SLC9C2: variants seen among roughly 807,000 people sequenced by gnomAD.
SLC9C2 encodes sodium/hydrogen exchanger 11.
Under a neutral mutation model 140.2 loss-of-function variants are expected in SLC9C2, and 75 were observed. The ratio of observed to expected loss-of-function variants is 0.53; its 90% CI spans 0.44 to 0.65. The LOEUF (loss-of-function observed/expected upper bound fraction) is 0.65. Ranked by LOEUF, SLC9C2 falls within the 30% of genes least tolerant of loss-of-function variation. The pLI, the probability that SLC9C2 is intolerant of heterozygous loss-of-function variation, is 0.00. For missense variants in SLC9C2, 1,074 were observed against 1,331.8 expected, an observed-to-expected ratio of 0.81 and a Z score of 3.01; for synonymous variants, 375 against 420.9, an observed-to-expected ratio of 0.89 and a Z score of 1.34.
intron 4 of SLC9C2, among the ~76,000 whole-genome samples, chr1:173,594,899 G>C (rs554180797): frequency 6.6e-6 from 1 of 151,966 alleles, no homozygotes; most frequent in Non-Finnish European, 1.5e-5. Flanking sequence ...TGGTTGTTTT[G>C]TTTTTTGTTT....
intron 3 of SLC9C2, 79 bp downstream of exon 3, chr1:173,600,038 G>C: frequency 3.5e-6 from 3 of 850,604 alleles, no homozygotes; most frequent in Non-Finnish European, 5.3e-6. Flanking sequence ...AACATTCCAT[G>C]CATTCAGGGA....
At chr1:173,546,069 C>T (rs1420800395) in intron 13 of SLC9C2, among the ~76,000 whole-genome samples, 1 of 152,146 alleles carries the variant, frequency 6.6e-6, no homozygotes, top group Non-Finnish European at 1.5e-5. Context: ...ACAAGAACAG[C>T]CCCAATTCAA....
chr1:173,592,200 C>A (rs760629478), intron 4 of SLC9C2, among the ~76,000 whole-genome samples: 2 of 152,098 alleles, frequency 1.3e-5, no homozygotes, highest in Middle Eastern at 3.4e-3. Context: ...TATTTTTGGG[C>A]TCTGTATTCT....
intron 17 of SLC9C2, among the ~76,000 whole-genome samples, chr1:173,530,421 A>C (rs915577061): frequency 1.7e-4 from 26 of 152,212 alleles, no homozygotes; most frequent in Admixed American, 5.2e-4. Context: ...CAGGTCTCCT[A>C]ACCTGGGTCA....
chr1:173,595,435 A>G (rs1666390884), intron 4 of SLC9C2, among the ~76,000 whole-genome samples: 1 of 152,186 alleles, frequency 6.6e-6, no homozygotes, highest in African/African-American at 2.4e-5. Context: ...AAGCCTATTC[A>G]GCAAACTTTT....
chr1:173,503,256 A>T lies in SLC9C2; in HGVS notation c.3371+10T>A. On this transcript the variant is annotated intron_variant, in intron 27 of 27. Transcript: ENST00000367714. ...AGAAAAAATTCTAATCAAAGTGTCA[A>T]GTTTATTACCTCATCTTTTGTCTTC... 2 of 1,609,898 alleles carry T rather than the reference A, an allele frequency of 1.2e-6. No homozygotes were observed. Among genetic ancestry groups the T allele is most frequent in the South Asian group, 2.2e-5 (2 of 90,266 alleles).
chr1:173,595,922 T>C (rs546630393), intron 4 of SLC9C2, among the ~76,000 whole-genome samples: 23 of 152,298 alleles, frequency 1.5e-4, no homozygotes, highest in African/African-American at 5.1e-4. Flanking sequence ...CCTCATGCTA[T>C]ATCTTTGTGG....
chr1:173,563,454 C>T (rs530069783), intron 9 of SLC9C2, among the ~76,000 whole-genome samples: 43 of 151,670 alleles, frequency 2.8e-4, no homozygotes, highest in African/African-American at 9.4e-4. Context: ...CAGGAAGGAC[C>T]GGGAAGAGAA....
At position 173,521,429 on chromosome 1, in the gene SLC9C2, A is replaced by G. The variant is rs188275737; in HGVS notation, c.2641-30T>C. On this transcript the variant is annotated intron_variant, in intron 21 of 27. Transcript: ENST00000367714. ...GTGGGAAAAAAAAAAACGAAAAGAA[A>G]AAGAGAGTCAACACAAAAGCTTCCT... 5.6e-5 allele frequency: 69 copies of G among 1,224,246 alleles called. 1 individual carries two copies. In the Admixed American group the frequency reaches 1.8e-3, roughly 33 times the overall value. The allele number at this position is 1,224,246 out of a possible 1,614,324, so 75.8% of individuals were successfully genotyped here.
chr1:173,503,621 T>C (rs1228109031), intron 26 of SLC9C2, among the ~76,000 whole-genome samples: 1 of 152,174 alleles, frequency 6.6e-6, no homozygotes, highest in Admixed American at 6.5e-5. Flanking sequence ...GAGCATCTGC[T>C]CCCTCTATAG....
At chr1:173,555,440 C>T (rs1663607723) in intron 10 of SLC9C2, 1 of 152,206 alleles carries the variant, frequency 6.6e-6, no homozygotes, top group Non-Finnish European at 1.5e-5. Flanking sequence ...GTAATTTCTC[C>T]TCCAGTGTCT....
chr1:173,576,415 T>G (rs1191588352), intron 8 of SLC9C2, among the ~76,000 whole-genome samples: 1 of 152,240 alleles, frequency 6.6e-6, no homozygotes, highest in Non-Finnish European at 1.5e-5. Flanking sequence ...TAAATTTTTG[T>G]CAGGTTACAT....
In SLC9C2 at chr1:173,570,395, A is replaced by G. The variant is rs1238737673; in HGVS notation, c.1046+2787T>C. Among the ~76,000 whole-genome samples, 6 of 152,144 alleles carry G rather than the reference A, an allele frequency of 3.9e-5. No homozygotes were observed. The East Asian group carries it at 1.2e-3, about 29-fold the overall frequency. Reference sequence around the variant, plus strand: ...GCCTCAAAACTCTGCCCAGTGCCCTATTCTGCTGTGGTTGAGCTGGTATCC... The same window carrying G: ...GCCTCAAAACTCTGCCCAGTGCCCTGTTCTGCTGTGGTTGAGCTGGTATCC... On this transcript the variant is annotated intron_variant, in intron 9 of 27. Coordinates refer to ENST00000367714, the MANE Select transcript of SLC9C2 (RefSeq NM_178527.4).
Position 173,601,842 on chromosome 1 carries a change from T to A in SLC9C2, c.-66A>T. The A allele has an allele frequency of 6.3e-7, 1 of 1,591,220 alleles. No homozygotes were observed. The highest frequency in any genetic ancestry group is 8.6e-7 in the Non-Finnish European group (1 of 1,166,778). ...GTTTGGTTATTATTGACACTTTCACTTCTGCATGCTAACCTGTATAGCATG... is the reference window on the plus strand; with the variant it reads ...GTTTGGTTATTATTGACACTTTCACATCTGCATGCTAACCTGTATAGCATG... On this transcript the variant is annotated 5_prime_UTR_variant, in exon 2 of 28. It adds an upstream start codon to the 5' untranslated region. Coordinates refer to ENST00000367714, the MANE Select transcript of SLC9C2 (RefSeq NM_178527.4).
At chr1:173,557,200 T>A in intron 10 of SLC9C2, 140 bp downstream of exon 10, 2 of 769,776 alleles carry the variant, frequency 2.6e-6, no homozygotes, top group Non-Finnish European at 4.3e-6. Flanking sequence ...AACGTTCTGC[T>A]CTGTTCCTTT....
intron 9 of SLC9C2, among the ~76,000 whole-genome samples, chr1:173,558,684 A>G (rs1299441497): frequency 3.3e-5 from 5 of 152,256 alleles, no homozygotes; most frequent in African/African-American, 4.8e-5. Context: ...ATACATAATT[A>G]TGACTATATA....
intron 13 of SLC9C2, among the ~76,000 whole-genome samples, chr1:173,546,891 A>T (rs1176756466): frequency 1.3e-5 from 2 of 152,096 alleles, no homozygotes; most frequent in Non-Finnish European, 2.9e-5. Flanking sequence ...ATATATACTG[A>T]AATATTTACA....
intron 5 of SLC9C2, among the ~76,000 whole-genome samples, chr1:173,587,042 A>C (rs1198384421): frequency 2.0e-5 from 3 of 152,140 alleles, no homozygotes; most frequent in African/African-American, 4.8e-5. Context: ...GAAAAAAAAA[A>C]CCTGACAATA....
chr1:173,578,590 G>C (rs1251714333), intron 7 of SLC9C2, among the ~76,000 whole-genome samples: 1 of 152,230 alleles, frequency 6.6e-6, no homozygotes, highest in Admixed American at 6.5e-5. Context: ...CACAAACTGG[G>C]GGGCTTAAAC....
Sources: allele counts gnomAD v4.1 joint callset (sites outside exome capture counted in the v4.1 genomes callset), GRCh38; gene constraint gnomAD v4.1.1; transcripts MANE v1.5; gene names NCBI Gene and HGNC (gene_info 2026-07-23, HGNC 2026-07-21).